RND1: variants seen among roughly 807,000 people sequenced by gnomAD.
The protein encoded by RND1 is Rho family GTPase 1, also known as rho-related GTP-binding protein Rho6.
Under a neutral mutation model 27.1 loss-of-function variants are expected in RND1, and 9 were observed. That is an observed-to-expected ratio of 0.33 (90% CI 0.20 to 0.58). The LOEUF is 0.58. Among genes scored for constraint, RND1 ranks in the 20% least tolerant of loss-of-function variants. The pLI is 0.86. For synonymous variants in RND1, 108 were observed against 115.7 expected (o/e 0.93, Z 0.43); for missense variants, 253 against 292.2 (o/e 0.87, Z 0.98).
At position 48,858,384 on chromosome 12, in the gene RND1, CTTTTCTT is replaced by C; in HGVS notation, c.454-150_454-144del. 16 of 646,482 alleles carry C rather than the reference CTTTTCTT, an allele frequency of 2.5e-5. No individual in the cohort carries two copies. The African/African-American group carries it at 2.7e-4, about 11-fold the overall frequency. 40.0% of individuals were successfully genotyped at this position (646,482 alleles called of 1,614,324 possible). ...CACCCTCTGCAGATTATTCGATTAT[CTTTTCTT>C]TTTTTTTTTTTTTTTTGGCATACAC... is the stretch of plus-strand genomic sequence containing the variant. On this transcript the variant is annotated intron_variant, in intron 4 of 4. Transcript: ENST00000309739.
In RND1 at chr12:48,865,667, G is replaced by T; in HGVS notation, c.101C>A (p.Ala34Glu). ...CGKTAMLQVL[A>E]KDCYPETYVP... ...GCTCACCTCTGGATAGCAATCCTTCGCTAACACTTGCAACATCGCGGTCTT... is the reference window on the plus strand; with the variant it reads ...GCTCACCTCTGGATAGCAATCCTTCTCTAACACTTGCAACATCGCGGTCTT... Residue 34 changes from alanine (A) to glutamate (E), a missense_variant, in exon 1 of 5, where the codon GCG becomes GAG. By Grantham distance (107) the Ala-to-Glu change is moderately radical. Transcript: ENST00000309739. The T allele has an allele frequency of 6.2e-7, 1 of 1,613,910 alleles. No homozygotes were observed. Among genetic ancestry groups the T allele is most frequent in the Non-Finnish European group, 8.5e-7 (1 of 1,179,904 alleles).
rs539837491 is a variant in RND1 at position 48,864,384 on chromosome 12, G to GGTGTGTGTGTGTGT, written c.208+385_208+398dup. Among the ~76,000 whole-genome samples the GGTGTGTGTGTGTGT allele has an allele frequency of 1.2e-3, 171 of 141,778 alleles. 1 individual carries two copies. Among genetic ancestry groups the GGTGTGTGTGTGTGT allele is most frequent in the African/African-American group, 4.3e-3 (156 of 36,494 alleles). The allele number at this position is 141,778 out of a possible 152,430, so 93.0% of individuals were successfully genotyped here. On this transcript the variant is annotated intron_variant, in intron 2 of 4. Coordinates refer to ENST00000309739, the MANE Select transcript of RND1 (RefSeq NM_014470.4). ...TTGGCTTTGCTCTGGGGAAGTAAAA[G>GGTGTGTGTGTGTGT]GTGTGTGTGTGTGTGTGTGTGTGTG...
At chr12:48,861,515 T>C (rs1938919326) in intron 3 of RND1, among the ~76,000 whole-genome samples, 4 of 152,312 alleles carry the variant, frequency 2.6e-5, no homozygotes, top group South Asian at 2.1e-4. Flanking sequence ...GGGAAGAACA[T>C]GATCCCAGCA....
At position 48,861,054 on chromosome 12, in the gene RND1, G is replaced by A; in HGVS notation, c.396C>T (p.Asp132=). The A allele has an allele frequency of 6.2e-7, 1 of 1,614,124 alleles. No individual in the cohort carries two copies. The highest frequency in any genetic ancestry group is 1.1e-5 in the South Asian group (1 of 91,088). The change falls in exon 4 of 5, where the codon GAC becomes GAT. Residue 132 remains aspartate, a synonymous_variant. Transcript: ENST00000309739. The part of the protein sequence containing the change: ...LIGCKTDLRT[D]LSTLMELSHQ... ...GGGACAGCTCCATCAGAGTACTCAG[G>A]TCTGTTCGCAGGTCTGTCTTGCAGC...
rs1356902097 is a variant in RND1, at chr12:48,858,079, G to A, written c.616C>T (p.Arg206Ter). 1.2e-6 allele frequency: 2 copies of A among 1,614,204 alleles called. No individual in the cohort carries two copies. Among genetic ancestry groups the A allele is most frequent in the Non-Finnish European group, 1.7e-6 (2 of 1,180,042 alleles). ...QKSPVRSLSK[R>*]LLHLPSRSEL... ...GAGCGACTGGGGAGGTGGAGCAGTCGTTTGGAGAGGCTTCGGACAGGGCTC... is the reference window on the plus strand; with the variant it reads ...GAGCGACTGGGGAGGTGGAGCAGTCATTTGGAGAGGCTTCGGACAGGGCTC... The change falls in exon 5 of 5, where the codon CGA becomes TGA. Residue 206 changes from arginine (R) to a stop codon, truncating the protein, a stop_gained. Coordinates refer to ENST00000309739, the MANE Select transcript of RND1 (RefSeq NM_014470.4). LOFTEE classifies it high-confidence loss of function.
intron 3 of RND1, among the ~76,000 whole-genome samples, chr12:48,861,425 T>C (rs2453488): frequency 0.73 from 110,287 of 152,082 alleles, 40,181 homozygotes; most frequent in East Asian, 0.96. Flanking sequence ...GCCAACCATA[T>C]AGGCATGGAT....
chr12:48,857,897 T>C lies in RND1; in HGVS notation c.*99A>G. The C allele has an allele frequency of 1.4e-6, 2 of 1,441,274 alleles. No individual in the cohort carries two copies. The highest frequency in any genetic ancestry group is 1.4e-5 in the African/African-American group (1 of 69,952). 89.3% of individuals were successfully genotyped at this position (1,441,274 alleles called of 1,614,324 possible). On this transcript the variant is annotated 3_prime_UTR_variant, in exon 5 of 5. Coordinates refer to ENST00000309739, the MANE Select transcript of RND1 (RefSeq NM_014470.4). ...CCCTCACCGTGGCCATCTGAAAAAC[T>C]CATGTCCAGTGTCCTAAATTGTCTC...
chr12:48,860,377 C>A (rs1012396600), intron 4 of RND1, among the ~76,000 whole-genome samples: 3 of 151,928 alleles, frequency 2.0e-5, no homozygotes, highest in Non-Finnish European at 4.4e-5. Flanking sequence ...GCCACCGCAC[C>A]CAGTGCCCCT....
At chr12:48,865,564 C>A in intron 1 of RND1, 84 bp downstream of exon 1, 1 of 1,483,998 alleles carries the variant, frequency 6.7e-7, no homozygotes. Context: ...GCTGGGGGAG[C>A]CACGTCTCCT....
chr12:48,858,649 C>A (rs1292062828), intron 4 of RND1: 1 of 158,054 alleles, frequency 6.3e-6, no homozygotes, highest in Non-Finnish European at 1.4e-5. Flanking sequence ...TGGCTTACAC[C>A]CATAATCCCA....
chr12:48,865,785 G>GAC lies in RND1; in HGVS notation c.-20_-19dup, dbSNP rs758995793. On this transcript the variant is annotated 5_prime_UTR_variant, in exon 1 of 5. Transcript: ENST00000309739. ...TCCTTCATGGTTGCAGTGTCCGCGGGACTTGAACTTCGATTCAGAAGGGAG... is the reference window on the plus strand; with the variant it reads ...TCCTTCATGGTTGCAGTGTCCGCGGGACACTTGAACTTCGATTCAGAAGGGAG... 9.5e-6 allele frequency: 15 copies of GAC among 1,571,800 alleles called. No individual in the cohort carries two copies. In the African/African-American group the frequency reaches 2.0e-4, roughly 21 times the overall value.
rs1592210622 is a variant in RND1, at chr12:48,862,248, T to C, written c.209-130A>G. 8 of 600,502 alleles carry C rather than the reference T, an allele frequency of 1.3e-5. No individual in the cohort carries two copies. The East Asian group carries it at 2.2e-4, about 17-fold the overall frequency. 37.2% of individuals were successfully genotyped at this position (600,502 alleles called of 1,614,324 possible). On this transcript the variant is annotated intron_variant, in intron 2 of 4. Transcript: ENST00000309739. Reference sequence around the variant, plus strand: ...CACCCATCTCCCAGGGGGAATGTACTGCGGCTGGAAGCTTGGGACCTGACT... The same window carrying C: ...CACCCATCTCCCAGGGGGAATGTACCGCGGCTGGAAGCTTGGGACCTGACT...
chr12:48,857,925 C>T lies in RND1; in HGVS notation c.*71G>A. 3.3e-6 allele frequency: 5 copies of T among 1,516,420 alleles called. No individual in the cohort carries two copies. The highest frequency in any genetic ancestry group is 1.4e-5 in the African/African-American group (1 of 71,692). 93.9% of individuals were successfully genotyped at this position (1,516,420 alleles called of 1,614,324 possible). On this transcript the variant is annotated 3_prime_UTR_variant, in exon 5 of 5. Transcript: ENST00000309739. Reference sequence around the variant, plus strand: ...TGTCCAGTGTCCTAAATTGTCTCATCCTCCCTCTCCCCGTGCCTCTGCACC... The same window carrying T: ...TGTCCAGTGTCCTAAATTGTCTCATTCTCCCTCTCCCCGTGCCTCTGCACC...
intron 4 of RND1, among the ~76,000 whole-genome samples, chr12:48,860,008 C>T (rs959502851): frequency 1.3e-5 from 2 of 151,590 alleles, no homozygotes; most frequent in Admixed American, 1.3e-4. Flanking sequence ...GAACTCCTGA[C>T]CTGAAGTGAT....
Position 48,861,220 on chromosome 12 carries a change from A to G in RND1, c.319-89T>C, listed in dbSNP as rs191114361. On this transcript the variant is annotated intron_variant, in intron 3 of 4. Coordinates refer to ENST00000309739, the MANE Select transcript of RND1 (RefSeq NM_014470.4). ...GATACCAGGAGAAGCTTGGCTGGCA[A>G]CGTCACACACATCACCTCACTCATC... 2.7e-5 allele frequency: 36 copies of G among 1,314,992 alleles called. 1 individual carries two copies. The Admixed American group carries it at 7.4e-4, about 27-fold the overall frequency. 81.5% of individuals were successfully genotyped at this position (1,314,992 alleles called of 1,614,324 possible).
intron 2 of RND1, among the ~76,000 whole-genome samples, chr12:48,863,575 G>C (rs563119374): frequency 6.6e-6 from 1 of 152,248 alleles, no homozygotes; most frequent in South Asian, 2.1e-4. Context: ...AATCTTGCCA[G>C]CATAGCACAG....
rs776488289 is a variant in RND1 at position 48,858,071 on chromosome 12, G to C, written c.624C>G (p.Leu208=). ...SPVRSLSKRL[L]HLPSRSELIS... ...TGAGTTCAGAGCGACTGGGGAGGTG[G>C]AGCAGTCGTTTGGAGAGGCTTCGGA... Residue 208 remains leucine, a synonymous_variant, in exon 5 of 5, where the codon CTC becomes CTG. Transcript: ENST00000309739. 3 of 1,614,170 alleles carry C rather than the reference G, an allele frequency of 1.9e-6. No individual in the cohort carries two copies. Among genetic ancestry groups the C allele is most frequent in the Admixed American group, 3.3e-5 (2 of 60,022 alleles).
In RND1 at chr12:48,857,830, G is replaced by A. The variant is rs995932988; in HGVS notation, c.*166C>T. On this transcript the variant is annotated 3_prime_UTR_variant, in exon 5 of 5. Coordinates refer to ENST00000309739, the MANE Select transcript of RND1 (RefSeq NM_014470.4). The stretch of plus-strand genomic sequence containing the variant: ...TCTCTCAGCGTCAGGTCCTCATGCC[G>A]GGCCTGGCTCCTTCCTCGCCCCATT... 14 of 726,546 alleles carry A rather than the reference G, an allele frequency of 1.9e-5. No individual in the cohort carries two copies. The highest frequency in any genetic ancestry group is 1.5e-4 in the South Asian group (6 of 39,368). The allele number at this position is 726,546 out of a possible 1,614,324, so 45.0% of individuals were successfully genotyped here. A position where few individuals can be genotyped will look rare whatever the true frequency, so the allele number is the denominator to read the frequency against.
Position 48,862,098 on chromosome 12 carries a change from C to T in RND1, c.229G>A (p.Val77Ile). Reference sequence around the variant, plus strand: ...GAGTCGCTGTAGCAGAGTGGACGGACATTATCGTAGTAGGGAGATCCTGGT... The same window carrying T: ...GAGTCGCTGTAGCAGAGTGGACGGATATTATCGTAGTAGGGAGATCCTGGT... ...DTSGSPYYDN[V>I]RPLCYSDSDA... Residue 77 changes from valine to isoleucine, a missense_variant, in exon 3 of 5, where the codon GTC becomes ATC. Val to Ile is a conservative substitution (Grantham distance 29). Transcript: ENST00000309739. The T allele has an allele frequency of 6.2e-7, 1 of 1,611,636 alleles. No individual in the cohort carries two copies. Among genetic ancestry groups the T allele is most frequent in the Non-Finnish European group, 8.5e-7 (1 of 1,177,920 alleles).
Sources: allele counts gnomAD v4.1 joint callset (sites outside exome capture counted in the v4.1 genomes callset), GRCh38; gene constraint gnomAD v4.1.1; transcripts MANE v1.5; gene names NCBI Gene and HGNC (gene_info 2026-07-23, HGNC 2026-07-21).